Variants in DENND5B observed in about 807,000 individuals in gnomAD.
The protein encoded by DENND5B is DENN domain-containing protein 5B.
In DENND5B, 34 loss-of-function variants were observed where a neutral mutation model predicts 140.6. That is an observed-to-expected ratio of 0.24 (90% CI 0.18 to 0.32). The LOEUF is 0.32. DENND5B is among the 10% of genes least tolerant of loss of function. The pLI, the probability that DENND5B is intolerant of heterozygous loss-of-function variation, is 1.00. For missense variants in DENND5B, 1,142 were observed against 1,560.2 expected (o/e 0.73, Z 4.52); for synonymous variants, 551 against 562.1 (o/e 0.98, Z 0.28).
chr12:31,440,844 T>C (rs1025614529), intron 7 of DENND5B, among the ~76,000 whole-genome samples: 2 of 152,284 alleles, frequency 1.3e-5, no homozygotes, highest in South Asian at 4.1e-4. Context: ...CCAGTGATTC[T>C]CATGCCTCAG....
chr12:31,549,380 G>A (rs1304600471), intron 1 of DENND5B, among the ~76,000 whole-genome samples: 1 of 151,614 alleles, frequency 6.6e-6, no homozygotes, highest in Admixed American at 6.6e-5. Context: ...AAAACTTAAG[G>A]TTACAATTTT....
In DENND5B at chr12:31,402,575, A is replaced by T; in HGVS notation, c.2872T>A (p.Trp958Arg). Residue 958 changes from tryptophan to arginine, a missense_variant, in exon 15 of 21, where the codon TGG becomes AGG. Trp to Arg is a moderately radical substitution (Grantham distance 101). Around this residue, in one of 5 missense-constraint regions of DENND5B, gnomAD observed 268 missense variants for 349.2 expected, o/e 0.77. Transcript: ENST00000389082. ...CCCAGCTCTCCTGATACACAGATCCAAGGGTTTGATGTGATTATTGCATTG... is the reference window on the plus strand; with the variant it reads ...CCCAGCTCTCCTGATACACAGATCCTAGGGTTTGATGTGATTATTGCATTG... ...LSNAIITSNP[W>R]ICVSGELGDT... 1 of 1,613,896 alleles carries T rather than the reference A, an allele frequency of 6.2e-7. No homozygotes were observed. Among genetic ancestry groups the T allele is most frequent in the Non-Finnish European group, 8.5e-7 (1 of 1,179,842 alleles).
intron 1 of DENND5B, among the ~76,000 whole-genome samples, chr12:31,496,509 A>C (rs916742117): frequency 6.6e-6 from 1 of 152,190 alleles, no homozygotes; most frequent in Non-Finnish European, 1.5e-5. Flanking sequence ...GAGCTATCCT[A>C]AGTTAAATTC....
intron 3 of DENND5B, among the ~76,000 whole-genome samples, chr12:31,473,065 A>G (rs1256598914): frequency 6.6e-6 from 1 of 152,154 alleles, no homozygotes; most frequent in Non-Finnish European, 1.5e-5. Context: ...CAGCCCCTGT[A>G]GTAGATGAGA....
intron 1 of DENND5B, among the ~76,000 whole-genome samples, chr12:31,583,358 C>A (rs1950274565): frequency 1.3e-5 from 2 of 149,430 alleles, no homozygotes; most frequent in African/African-American, 2.5e-5. Context: ...GTTGTCCAGA[C>A]TGAATGAGGT....
At chr12:31,412,417 G>A (rs1248003610) in intron 13 of DENND5B, among the ~76,000 whole-genome samples, 1 of 152,296 alleles carries the variant, frequency 6.6e-6, no homozygotes, top group South Asian at 2.1e-4. Context: ...GGGCTGGGGA[G>A]GGGGAGGTGG....
At chr12:31,442,073 T>C (rs1944060261) in intron 7 of DENND5B, among the ~76,000 whole-genome samples, 1 of 152,238 alleles carries the variant, frequency 6.6e-6, no homozygotes, top group Non-Finnish European at 1.5e-5. Flanking sequence ...AAATTTTCTC[T>C]TTAGCTCTTC....
chr12:31,401,009 A>C (rs1279173671), intron 15 of DENND5B, among the ~76,000 whole-genome samples: 17 of 151,838 alleles, frequency 1.1e-4, no homozygotes, highest in Admixed American at 1.1e-3. Flanking sequence ...TGCCCGGCTA[A>C]TTTTTGTGTT....
At chr12:31,495,688 T>G (rs1946737010) in intron 2 of DENND5B, 122 bp downstream of exon 2, 1 of 855,522 alleles carries the variant, frequency 1.2e-6, no homozygotes, top group Admixed American at 3.0e-5. Flanking sequence ...ACATTTCTTA[T>G]AAAATCACTT....
chr12:31,587,676 T>C (rs1336337058), intron 1 of DENND5B, among the ~76,000 whole-genome samples: 1 of 151,456 alleles, frequency 6.6e-6, no homozygotes, highest in African/African-American at 2.4e-5. Flanking sequence ...GCCTCCAGAG[T>C]AACTGGGATA....
intron 17 of DENND5B, among the ~76,000 whole-genome samples, chr12:31,393,920 C>T (rs1246760717): frequency 1.3e-5 from 2 of 152,108 alleles, no homozygotes; most frequent in African/African-American, 2.4e-5. Context: ...GAACTCCTGA[C>T]CTCAGGTGAT....
rs545927637 is a variant in DENND5B, at chr12:31,565,363, C to A, written c.127+25343G>T. 3.3e-5 allele frequency among the ~76,000 whole-genome samples: 5 copies of A among 152,212 alleles called. No homozygotes were observed. In the South Asian group the frequency reaches 8.3e-4, roughly 25 times the overall value. On this transcript the variant is annotated intron_variant, in intron 1 of 20. Coordinates refer to ENST00000389082, the MANE Select transcript of DENND5B (RefSeq NM_144973.4). Reference sequence around the variant, plus strand: ...GAGCTGAGATCATCTCACAAAAAAACGAAAGAAAAGAAAGGAGTAAATCTA... The same window carrying A: ...GAGCTGAGATCATCTCACAAAAAAAAGAAAGAAAAGAAAGGAGTAAATCTA...
At chr12:31,491,497 A>G (rs968469164) in intron 2 of DENND5B, among the ~76,000 whole-genome samples, 1 of 152,084 alleles carries the variant, frequency 6.6e-6, no homozygotes, top group Non-Finnish European at 1.5e-5. Flanking sequence ...AATCTGGGAG[A>G]CAGAGTGAGA....
At chr12:31,507,366 G>A (rs1304627889) in intron 1 of DENND5B, among the ~76,000 whole-genome samples, 1 of 152,000 alleles carries the variant, frequency 6.6e-6, no homozygotes, top group Non-Finnish European at 1.5e-5. Flanking sequence ...TCAAACTCTT[G>A]GCCTCAAGTG....
chr12:31,549,345 T>C (rs1303223128), intron 1 of DENND5B, among the ~76,000 whole-genome samples: 1 of 152,144 alleles, frequency 6.6e-6, no homozygotes, highest in East Asian at 1.9e-4. Flanking sequence ...AGAAAAGGAA[T>C]CCTGATTTTT....
intron 7 of DENND5B, among the ~76,000 whole-genome samples, chr12:31,437,332 C>T (rs809407): frequency 0.32 from 48,412 of 151,968 alleles, 8,789 homozygotes; most frequent in Non-Finnish European, 0.43. Context: ...GACGGGGTTT[C>T]ACTGTGTTAG....
chr12:31,451,315 A>T (rs793185), intron 5 of DENND5B, among the ~76,000 whole-genome samples: 140,161 of 152,024 alleles, frequency 0.92, 65,204 homozygotes, highest in East Asian at 0.99. Context: ...GTTTCTATAA[A>T]TTTTTATTTA....
intron 7 of DENND5B, among the ~76,000 whole-genome samples, chr12:31,439,287 T>C (rs983997767): frequency 3.9e-5 from 6 of 152,188 alleles, no homozygotes; most frequent in Non-Finnish European, 8.8e-5. Context: ...CTTGACTATA[T>C]CTACCTGAAA....
chr12:31,499,352 A>G (rs918964613), intron 1 of DENND5B, among the ~76,000 whole-genome samples: 2 of 152,248 alleles, frequency 1.3e-5, no homozygotes, highest in Non-Finnish European at 2.9e-5. Context: ...TGAAGCTGCA[A>G]TTAATCCTTT....
Sources: gnomAD v4.1 joint callset for allele counts (sites outside exome capture counted in the v4.1 genomes callset) on GRCh38, gnomAD v4.1.1 for gene constraint, gnomAD v4.1.1 regional missense constraint, MANE v1.5 for transcripts, NCBI Gene and HGNC (gene_info 2026-07-23, HGNC 2026-07-21) for gene names.